The following MYO3B variants were observed in gnomAD, a reference collection of about 807,000 sequenced individuals.
The protein encoded by MYO3B is myosin-IIIb.
MYO3B carries 156 observed loss-of-function variants against 174.6 expected under a neutral mutation model. The observed-to-expected ratio is 0.89, with a 90% CI of 0.78 to 1.02. The LOEUF (loss-of-function observed/expected upper bound fraction) is 1.02. MYO3B is among the 50% of genes least tolerant of loss of function. The pLI is 0.00. For missense variants in MYO3B, 1,632 were observed against 1,639.4 expected (o/e 1.00, Z 0.08); for synonymous variants, 563 against 569.1 (o/e 0.99, Z 0.15).
At chr2:170,210,951 G>A (rs1395649087) in intron 3 of MYO3B, among the ~76,000 whole-genome samples, 3 of 152,114 alleles carry the variant, frequency 2.0e-5, no homozygotes, top group Admixed American at 6.6e-5. Flanking sequence ...ATTTTCATTT[G>A]CCCATCTCCT....
intron 22 of MYO3B, among the ~76,000 whole-genome samples, chr2:170,428,638 T>G (rs946919495): frequency 2.6e-5 from 4 of 152,218 alleles, no homozygotes; most frequent in African/African-American, 7.2e-5. Context: ...CACACAATAT[T>G]TTATTTTGGC....
intron 8 of MYO3B, among the ~76,000 whole-genome samples, chr2:170,362,244 C>G (rs2094166896): frequency 6.6e-6 from 1 of 152,206 alleles, no homozygotes; most frequent in Non-Finnish European, 1.5e-5. Context: ...TTTGAGTCTT[C>G]TCTGGGTGAG....
Position 170,233,317 on chromosome 2 carries a change from T to C in MYO3B, c.604-2674T>C, listed in dbSNP as rs569125278. ...ATATTTTGATTGGCCATAGCTCCTA[T>C]TGGGGAAGGACAGAGTCTTATTTCT... On this transcript the variant is annotated intron_variant, in intron 6 of 34. Transcript: ENST00000408978. Among the ~76,000 whole-genome samples the C allele has an allele frequency of 4.6e-5, 7 of 152,344 alleles. No homozygotes were observed. The South Asian group carries it at 6.2e-4, about 14-fold the overall frequency.
rs1699172196 is a variant in MYO3B, at chr2:170,654,336, G to A, written c.*1215G>A. ...ATATTTTTCTTACTCTAAAATATGT[G>A]GTAGATAGTATGCAAGAAAAGCCGG... On this transcript the variant is annotated 3_prime_UTR_variant, in exon 35 of 35. Coordinates refer to ENST00000408978, the MANE Select transcript of MYO3B (RefSeq NM_138995.5). The A allele has an allele frequency of 6.6e-6, 1 of 152,044 alleles. No individual in the cohort carries two copies. The allele number at this position is 152,044 out of a possible 1,614,324, so 9.4% of individuals were successfully genotyped here.
intron 16 of MYO3B, among the ~76,000 whole-genome samples, chr2:170,398,118 G>C (rs530748690): frequency 6.6e-6 from 1 of 151,470 alleles, no homozygotes; most frequent in Admixed American, 6.6e-5. Flanking sequence ...AGCTACTCAG[G>C]AGGCTGAGGC....
At position 170,391,879 on chromosome 2, in the gene MYO3B, G is replaced by A. The variant is rs532418267; in HGVS notation, c.1676+261G>A. 3.3e-5 allele frequency among the ~76,000 whole-genome samples: 5 copies of A among 152,222 alleles called. No homozygotes were observed. In the South Asian group the frequency reaches 1.0e-3, roughly 32 times the overall value. On this transcript the variant is annotated intron_variant, in intron 15 of 34. Coordinates refer to ENST00000408978, the MANE Select transcript of MYO3B (RefSeq NM_138995.5). ...TTAGACTATAAAGGAAATGGGCTGG[G>A]TGTGGCGGCTCATGCCTGTAATCCC...
At chr2:170,362,873 G>A (rs1422733597) in intron 8 of MYO3B, among the ~76,000 whole-genome samples, 3 of 152,162 alleles carry the variant, frequency 2.0e-5, no homozygotes, top group Non-Finnish European at 4.4e-5. Flanking sequence ...GCCTTCTTTT[G>A]AGGCATTAGT....
At chr2:170,296,195 G>A (rs556026496) in intron 7 of MYO3B, among the ~76,000 whole-genome samples, 1 of 152,316 alleles carries the variant, frequency 6.6e-6, no homozygotes, top group East Asian at 1.9e-4. Flanking sequence ...TTCCCACCCT[G>A]ATGAGCAGAG....
chr2:170,654,715 A>G lies in MYO3B; in HGVS notation c.*1594A>G, dbSNP rs1432980227. On this transcript the variant is annotated 3_prime_UTR_variant, in exon 35 of 35. Coordinates refer to ENST00000408978, the MANE Select transcript of MYO3B (RefSeq NM_138995.5). ...AGACACCTAAATTTTGAGAGAAATAACCTTGAAGAAAATCTTGTTATCAGA... is the reference window on the plus strand; with the variant it reads ...AGACACCTAAATTTTGAGAGAAATAGCCTTGAAGAAAATCTTGTTATCAGA... 6.6e-6 allele frequency: 1 copy of G among 151,556 alleles called. No individual in the cohort carries two copies. Among genetic ancestry groups the G allele is most frequent in the Non-Finnish European group, 1.5e-5 (1 of 67,940 alleles). The allele number at this position is 151,556 out of a possible 1,614,324, so 9.4% of individuals were successfully genotyped here.
intron 28 of MYO3B, among the ~76,000 whole-genome samples, chr2:170,513,540 C>T (rs1299824182): frequency 1.3e-5 from 2 of 152,286 alleles, no homozygotes; most frequent in Non-Finnish European, 2.9e-5. Flanking sequence ...AGTATGACCT[C>T]ATTTTTAACT....
chr2:170,543,760 A>C (rs1690279672), intron 31 of MYO3B, 132 bp from the exon 32 acceptor site: 2 of 559,040 alleles, frequency 3.6e-6, no homozygotes, highest in South Asian at 5.4e-5. Context: ...GCAACTTACA[A>C]ATGATTCCAG....
At chr2:170,505,202 G>A (rs146721332) in intron 28 of MYO3B, among the ~76,000 whole-genome samples, 3 of 152,102 alleles carry the variant, frequency 2.0e-5, no homozygotes, top group African/African-American at 7.2e-5. Context: ...GGGGAGAGGG[G>A]AGAGGAAGAG....
At chr2:170,249,120 G>C (rs919313133) in intron 7 of MYO3B, among the ~76,000 whole-genome samples, 1 of 152,112 alleles carries the variant, frequency 6.6e-6, no homozygotes, top group Non-Finnish European at 1.5e-5. Context: ...CCAGTCCTGG[G>C]TGCCAAAGCA....
intron 25 of MYO3B, among the ~76,000 whole-genome samples, chr2:170,498,319 T>C (rs941664960): frequency 1.3e-5 from 2 of 152,218 alleles, no homozygotes; most frequent in African/African-American, 4.8e-5. Context: ...ATTATTTTGA[T>C]TTTGAATGCA....
chr2:170,578,746 A>G (rs891750392), intron 32 of MYO3B, among the ~76,000 whole-genome samples: 2 of 152,206 alleles, frequency 1.3e-5, no homozygotes, highest in African/African-American at 4.8e-5. Context: ...ACAAGTAGAT[A>G]TTGTGGTCTA....
At chr2:170,413,759 G>T (rs1024951706) in intron 22 of MYO3B, among the ~76,000 whole-genome samples, 2 of 151,198 alleles carry the variant, frequency 1.3e-5, no homozygotes, top group African/African-American at 2.4e-5. Flanking sequence ...CTATCCTTAG[G>T]CCGGGTGCGG....
intron 22 of MYO3B, among the ~76,000 whole-genome samples, chr2:170,428,534 T>C (rs1358321736): frequency 2.6e-5 from 4 of 152,190 alleles, no homozygotes; most frequent in Non-Finnish European, 4.4e-5. Flanking sequence ...TTGTTCAGCG[T>C]GTTGTTGATT....
chr2:170,240,944 T>G (rs916436467), intron 7 of MYO3B, among the ~76,000 whole-genome samples: 8 of 152,164 alleles, frequency 5.3e-5, no homozygotes, highest in African/African-American at 1.7e-4. Flanking sequence ...ACTAAAGAAT[T>G]GTGGAATACA....
At chr2:170,432,386 TAAAC>T (rs1313429428) in intron 22 of MYO3B, among the ~76,000 whole-genome samples, 3 of 151,854 alleles carry the variant, frequency 2.0e-5, no homozygotes, top group African/African-American at 7.3e-5. Context: ...AATTAAAAAG[TAAAC>T]AAAAAAATCT....
Sources: gnomAD v4.1 joint callset for allele counts (sites outside exome capture counted in the v4.1 genomes callset) on GRCh38, gnomAD v4.1.1 for gene constraint, MANE v1.5 for transcripts, NCBI Gene and HGNC (gene_info 2026-07-23, HGNC 2026-07-21) for gene names.